CDH4: variants seen among roughly 807,000 people sequenced by gnomAD.
CDH4 encodes the protein cadherin 4, also known as cadherin-4.
A neutral mutation model predicts 86.0 loss-of-function variants in CDH4; 33 were observed. The ratio of observed to expected loss-of-function variants is 0.38; its 90% CI spans 0.29 to 0.51. The LOEUF (loss-of-function observed/expected upper bound fraction) is 0.51. Ranked by LOEUF, CDH4 falls within the 20% of genes least tolerant of loss-of-function variation. The pLI, the probability that CDH4 is intolerant of heterozygous loss-of-function variation, is 0.86. For synonymous variants in CDH4, 555 were observed against 549.4 expected (o/e 1.01, Z -0.14); for missense variants, 1,114 against 1,307.4 (o/e 0.85, Z 2.28).
At position 61,936,807 on chromosome 20, in the gene CDH4, G is replaced by A; in HGVS notation, c.2615G>A (p.Gly872Glu). The A allele has an allele frequency of 6.2e-7, 1 of 1,610,808 alleles. No individual in the cohort carries two copies. Among genetic ancestry groups the A allele is most frequent in the Non-Finnish European group, 8.5e-7 (1 of 1,179,174 alleles). The change falls in exon 16 of 16, where the codon GGG (glycine) becomes GAG (glutamate). Residue 872 changes from glycine to glutamate, a missense_variant. Physicochemically the swap from Gly to Glu is moderately conservative, Grantham distance 98. Transcript: ENST00000614565. ...TCCCTGCTGGTCTTCGACTACGAGG[G>A]GAGCGGCTCCACCGCAGGCTCCGTC... ...YDSLLVFDYE[G>E]SGSTAGSVSS...
chr20:61,538,654 G>A (rs1600739595), intron 2 of CDH4, among the ~76,000 whole-genome samples: 1 of 152,312 alleles, frequency 6.6e-6, no homozygotes, highest in Non-Finnish European at 1.5e-5. Context: ...CCATGTGGCT[G>A]GGCACAGCTC....
chr20:61,884,224 C>T (rs1056785085), intron 7 of CDH4, among the ~76,000 whole-genome samples: 4 of 152,092 alleles, frequency 2.6e-5, no homozygotes, highest in Admixed American at 6.6e-5. Context: ...CTAGGGACAC[C>T]GGAGGCCCCA....
chr20:61,855,233 G>A (rs924217050), intron 6 of CDH4, among the ~76,000 whole-genome samples: 9 of 152,008 alleles, frequency 5.9e-5, no homozygotes, highest in Admixed American at 2.0e-4. Flanking sequence ...GGTGAATTGC[G>A]CCTTTGGTCT....
rs2085321770 is a variant in CDH4, at chr20:61,442,878, G to A, written c.169+187941G>A. Among the ~76,000 whole-genome samples, 3 of 152,232 alleles carry A rather than the reference G, an allele frequency of 2.0e-5. No homozygotes were observed. The South Asian group carries it at 6.2e-4, about 32-fold the overall frequency. ...GGCCTTGGCACTGTTGGCCTCAGGG[G>A]CTGAATCACCCCATGGTGGGGGCTG... On this transcript the variant is annotated intron_variant, in intron 2 of 15. Transcript: ENST00000614565.
At chr20:61,410,199 CATCT>C (rs2085109668) in intron 2 of CDH4, among the ~76,000 whole-genome samples, 1 of 152,210 alleles carries the variant, frequency 6.6e-6, no homozygotes, top group Non-Finnish European at 1.5e-5. Flanking sequence ...AACTTGTGTT[CATCT>C]ATCCATCCAT....
chr20:61,600,884 G>A (rs577513366), intron 2 of CDH4, among the ~76,000 whole-genome samples: 7 of 152,174 alleles, frequency 4.6e-5, no homozygotes, highest in Middle Eastern at 3.4e-3. Context: ...CAGAACCCGC[G>A]GGTGTGGAAA....
At chr20:61,415,908 C>T (rs1355523715) in intron 2 of CDH4, among the ~76,000 whole-genome samples, 2 of 152,044 alleles carry the variant, frequency 1.3e-5, no homozygotes, top group Non-Finnish European at 2.9e-5. Context: ...CCATTTTGCC[C>T]AGGTTGGACT....
chr20:61,727,668 T>A (rs2088132172), intron 2 of CDH4, among the ~76,000 whole-genome samples: 1 of 152,098 alleles, frequency 6.6e-6, no homozygotes, highest in East Asian at 1.9e-4. Context: ...AGACCATAGG[T>A]GTGCAGATCA....
intron 2 of CDH4, among the ~76,000 whole-genome samples, chr20:61,350,042 C>T (rs1377610586): frequency 6.6e-6 from 1 of 152,220 alleles, no homozygotes; most frequent in Non-Finnish European, 1.5e-5. Flanking sequence ...GGCAGCCGCC[C>T]TCCAGTGCCA....
At chr20:61,270,816 G>A (rs541348199) in intron 2 of CDH4, among the ~76,000 whole-genome samples, 6 of 152,274 alleles carry the variant, frequency 3.9e-5, no homozygotes, top group African/African-American at 1.2e-4. Flanking sequence ...GTTGAGTGAT[G>A]GCACCTTTGC....
At chr20:61,848,097 T>C (rs1982540700) in intron 5 of CDH4, among the ~76,000 whole-genome samples, 1 of 152,276 alleles carries the variant, frequency 6.6e-6, no homozygotes, top group Admixed American at 6.5e-5. Context: ...GCAGTGCCTC[T>C]GTAGATGGTC....
intron 2 of CDH4, among the ~76,000 whole-genome samples, chr20:61,608,504 C>T (rs774447588): frequency 3.3e-5 from 5 of 152,204 alleles, no homozygotes; most frequent in African/African-American, 7.2e-5. Context: ...AGGTCTCATG[C>T]GTGGTGATGG....
rs138222409 is a variant in CDH4 at position 61,838,007 on chromosome 20, C to T, written c.577-6661C>T. 4.0e-3 allele frequency among the ~76,000 whole-genome samples: 614 copies of T among 152,200 alleles called. 3 individuals carry two copies. Among genetic ancestry groups the T allele is most frequent in the Non-Finnish European group, 6.3e-3 (430 of 68,006 alleles). ...CGCTCCCCAAGCCCTCACCTCCATC[C>T]CCACCTTTCTCTGCCTGCTCACCGT... On this transcript the variant is annotated intron_variant, in intron 4 of 15. Transcript: ENST00000614565.
At chr20:61,726,552 A>C (rs555317728) in intron 2 of CDH4, among the ~76,000 whole-genome samples, 2 of 152,214 alleles carry the variant, frequency 1.3e-5, no homozygotes, top group South Asian at 4.2e-4. Context: ...GTATGGGCCA[A>C]GTAAGCAAGA....
At chr20:61,457,747 G>T (rs1335670749) in intron 2 of CDH4, among the ~76,000 whole-genome samples, 1 of 151,212 alleles carries the variant, frequency 6.6e-6, no homozygotes, top group Admixed American at 6.6e-5. Flanking sequence ...GGTGGCGGTG[G>T]TGGTGGTAGT....
In CDH4 at chr20:61,631,456, A is replaced by G. The variant is rs373377534; in HGVS notation, c.170-112107A>G. Among the ~76,000 whole-genome samples the G allele has an allele frequency of 2.1e-3, 317 of 152,312 alleles. 3 individuals carry two copies. The highest frequency in any genetic ancestry group is 7.3e-3 in the African/African-American group (305 of 41,572). ...GGGATTCGAAACCAGCCTGGCCAAC[A>G]TGGCGAAAACCCCTCTCTACTAAAA... On this transcript the variant is annotated intron_variant, in intron 2 of 15. Coordinates refer to ENST00000614565, the MANE Select transcript of CDH4 (RefSeq NM_001794.5).
At chr20:61,753,774 A>G (rs1050111889) in intron 3 of CDH4, among the ~76,000 whole-genome samples, 6 of 152,212 alleles carry the variant, frequency 3.9e-5, no homozygotes, top group Admixed American at 3.9e-4. Flanking sequence ...TCGGCCGAGC[A>G]ATGTCCCACG....
chr20:61,786,501 A>G (rs1437348689), intron 4 of CDH4, among the ~76,000 whole-genome samples: 1 of 152,182 alleles, frequency 6.6e-6, no homozygotes, highest in Non-Finnish European at 1.5e-5. Flanking sequence ...TGAAAGGAAC[A>G]GGCAGGCCCT....
intron 4 of CDH4, among the ~76,000 whole-genome samples, chr20:61,823,512 T>A (rs950028384): frequency 6.6e-6 from 1 of 152,084 alleles, no homozygotes. Flanking sequence ...TTTGTTTTAA[T>A]CCTGTCAAGA....
Sources: gnomAD v4.1 joint callset for allele counts (sites outside exome capture counted in the v4.1 genomes callset) on GRCh38, gnomAD v4.1.1 for gene constraint, MANE v1.5 for transcripts, NCBI Gene and HGNC (gene_info 2026-07-23, HGNC 2026-07-21) for gene names.